Variants in DNAJC15 observed in about 807,000 individuals in gnomAD.
DNAJC15 encodes DnaJ heat shock protein family (Hsp40) member C15.
A neutral mutation model predicts 22.4 loss-of-function variants in DNAJC15; 27 were observed. The observed-to-expected ratio is 1.20, with a 90% confidence interval of 0.89 to 1.66. The LOEUF is 1.66. DNAJC15 is among the 40% of genes most tolerant of loss of function. DNAJC15 has a pLI of 0.00. For synonymous variants in DNAJC15, 79 were observed against 63.2 expected (o/e 1.25, Z -1.19); for missense variants, 208 against 187.1 (o/e 1.11, Z -0.65).
rs778954885 is a variant in DNAJC15 at position 43,065,748 on chromosome 13, G to T, written c.160+11G>T. 6.2e-6 allele frequency: 10 copies of T among 1,612,110 alleles called. No homozygotes were observed. The highest frequency in any genetic ancestry group is 8.5e-6 in the Non-Finnish European group (10 of 1,178,844). ...CTCTTGCATTTGCAGGTAAGATAAA[G>T]AATACATACCAATAAATTGCAGGAG... On this transcript the variant is annotated intron_variant, in intron 2 of 5. Transcript: ENST00000379221.
intron 4 of DNAJC15, among the ~76,000 whole-genome samples, chr13:43,079,699 A>T (rs2040652792): frequency 6.6e-6 from 1 of 152,206 alleles, no homozygotes; most frequent in African/African-American, 2.4e-5. Flanking sequence ...ATTATCTTGA[A>T]ATCTGAGTAT....
chr13:43,107,247 G>T lies in DNAJC15; in HGVS notation c.452G>T (p.Ter151LeuextTer30). The change falls in exon 6 of 6, where the codon TGA becomes TTA. Residue 151 changes from the stop codon to leucine (L), a stop_lost. Coordinates refer to ENST00000379221, the MANE Select transcript of DNAJC15 (RefSeq NM_013238.3). ...KDLLETTTKH[*>L] ...TTGCTAGAAACAACCACCAAACATT[G>T]ATGCTTAAGGACCACACTGAAGGAA... 6.4e-7 allele frequency: 1 copy of T among 1,573,808 alleles called. No homozygotes were observed. The highest frequency in any genetic ancestry group is 8.6e-7 in the Non-Finnish European group (1 of 1,163,376).
chr13:43,102,091 TA>T (rs1462351792), intron 5 of DNAJC15, among the ~76,000 whole-genome samples: 1 of 152,216 alleles, frequency 6.6e-6, no homozygotes, highest in Admixed American at 6.5e-5. Context: ...CCAACATTTA[TA>T]ATTTTTTTTG....
chr13:43,086,764 TTCAC>T (rs1414362816), intron 5 of DNAJC15, among the ~76,000 whole-genome samples: 34 of 152,236 alleles, frequency 2.2e-4, no homozygotes, highest in Non-Finnish European at 4.4e-4. Context: ...TACTGAAAGA[TTCAC>T]TCAGCTAATT....
intron 5 of DNAJC15, among the ~76,000 whole-genome samples, chr13:43,097,242 A>C (rs540444824): frequency 6.6e-6 from 1 of 152,224 alleles, no homozygotes; most frequent in African/African-American, 2.4e-5. Context: ...GACCTAAGGC[A>C]GTAAGTCATG....
intron 1 of DNAJC15, among the ~76,000 whole-genome samples, chr13:43,038,432 CT>C (rs1302044476): frequency 6.6e-6 from 1 of 152,110 alleles, no homozygotes; most frequent in Non-Finnish European, 1.5e-5. Flanking sequence ...GAAAGAGGGA[CT>C]AGTAATGCCA....
At chr13:43,052,728 TTTTGATGGCATTA>T (rs1292331786) in intron 1 of DNAJC15, among the ~76,000 whole-genome samples, 1 of 152,162 alleles carries the variant, frequency 6.6e-6, no homozygotes, top group East Asian at 1.9e-4. Context: ...TTAGCATAAT[TTTTGATGGCATTA>T]TTTGTTTTTT....
In DNAJC15 at chr13:43,049,813, C is replaced by T. The variant is rs200308143; in HGVS notation, c.109-15873C>T. 2.0e-5 allele frequency among the ~76,000 whole-genome samples: 3 copies of T among 152,266 alleles called. No homozygotes were observed. The East Asian group carries it at 5.8e-4, about 29-fold the overall frequency. On this transcript the variant is annotated intron_variant, in intron 1 of 5. Coordinates refer to ENST00000379221, the MANE Select transcript of DNAJC15 (RefSeq NM_013238.3). Reference sequence around the variant, plus strand: ...CAAAATCTGTGTCTGAAAAGAAATACCAATGGCTTTTTAGCAAATAAAAAA... The same window carrying T: ...CAAAATCTGTGTCTGAAAAGAAATATCAATGGCTTTTTAGCAAATAAAAAA...
intron 1 of DNAJC15, among the ~76,000 whole-genome samples, chr13:43,046,265 A>C (rs1340529215): frequency 6.6e-6 from 1 of 152,148 alleles, no homozygotes; most frequent in Non-Finnish European, 1.5e-5. Context: ...GATATTTTGA[A>C]GCATGACCAT....
intron 4 of DNAJC15, among the ~76,000 whole-genome samples, chr13:43,080,704 T>G (rs2040657851): frequency 6.6e-6 from 1 of 152,252 alleles, no homozygotes; most frequent in Admixed American, 6.5e-5. Context: ...GTAATAATAT[T>G]CTGCCTTGTT....
intron 1 of DNAJC15, among the ~76,000 whole-genome samples, chr13:43,047,309 A>G (rs996832625): frequency 6.6e-6 from 1 of 152,260 alleles, no homozygotes; most frequent in African/African-American, 2.4e-5. Flanking sequence ...GTATTAACTA[A>G]TGTAATATAT....
intron 5 of DNAJC15, among the ~76,000 whole-genome samples, chr13:43,090,577 AAACT>A (rs1239278525): frequency 6.6e-6 from 1 of 152,182 alleles, no homozygotes; most frequent in Non-Finnish European, 1.5e-5. Context: ...TTCATGAAAA[AAACT>A]AACTGGTTAT....
intron 4 of DNAJC15, among the ~76,000 whole-genome samples, chr13:43,084,644 G>A (rs1392822501): frequency 1.3e-5 from 2 of 152,218 alleles, no homozygotes; most frequent in African/African-American, 4.8e-5. Flanking sequence ...CTATTAAGTA[G>A]CAGTAGTAGG....
Position 43,107,184 on chromosome 13 carries a change from C to A in DNAJC15, c.389C>A (p.Ser130Tyr), listed in dbSNP as rs1405110416. The change falls in exon 6 of 6, where the codon TCT becomes TAT. Residue 130 changes from serine to tyrosine, a missense_variant. Physicochemically the swap from Ser to Tyr is moderately radical, Grantham distance 144. Transcript: ENST00000379221. ...MILNHPDKGG[S>Y]PYVAAKINEA... ...TTTTTCTTTGTTCTCTCAGGTGGAT[C>A]TCCTTACGTAGCAGCCAAAATAAAT... The A allele has an allele frequency of 2.5e-6, 4 of 1,572,208 alleles. No homozygotes were observed. Among genetic ancestry groups the A allele is most frequent in the Non-Finnish European group, 3.4e-6 (4 of 1,162,826 alleles).
At chr13:43,101,418 T>A (rs1325022714) in intron 5 of DNAJC15, among the ~76,000 whole-genome samples, 2 of 152,224 alleles carry the variant, frequency 1.3e-5, no homozygotes, top group African/African-American at 2.4e-5. Context: ...TGATTTATTA[T>A]TTACTTTTAT....
intron 3 of DNAJC15, among the ~76,000 whole-genome samples, chr13:43,076,623 A>G (rs993943086): frequency 1.3e-5 from 2 of 152,210 alleles, no homozygotes; most frequent in East Asian, 1.9e-4. Flanking sequence ...AAATGGTTTC[A>G]TGCTTAGAAA....
chr13:43,058,647 C>T (rs2040542689), intron 1 of DNAJC15, among the ~76,000 whole-genome samples: 3 of 152,166 alleles, frequency 2.0e-5, no homozygotes, highest in Admixed American at 1.3e-4. Context: ...TCCTCCATTC[C>T]TCCCAGGAAA....
At chr13:43,098,076 T>C (rs1289055450) in intron 5 of DNAJC15, among the ~76,000 whole-genome samples, 1 of 152,202 alleles carries the variant, frequency 6.6e-6, no homozygotes, top group Non-Finnish European at 1.5e-5. Context: ...GAAAATTTGC[T>C]ATACTGAGAA....
chr13:43,034,528 G>A (rs975242644), intron 1 of DNAJC15, among the ~76,000 whole-genome samples: 3 of 151,678 alleles, frequency 2.0e-5, no homozygotes, highest in Non-Finnish European at 4.4e-5. Flanking sequence ...TGTTAGCCAG[G>A]ATGGTCTTGT....
Sources: gnomAD v4.1 joint callset for allele counts (sites outside exome capture counted in the v4.1 genomes callset) on GRCh38, gnomAD v4.1.1 for gene constraint, MANE v1.5 for transcripts, NCBI Gene and HGNC (gene_info 2026-07-23, HGNC 2026-07-21) for gene names.